The following MTUS2 variants were observed in gnomAD, a reference collection of about 807,000 sequenced individuals.
MTUS2 encodes microtubule-associated tumor suppressor candidate 2.
In MTUS2, 40 loss-of-function variants were observed where a neutral mutation model predicts 114.1. That is an observed-to-expected ratio of 0.35 (90% CI 0.27 to 0.46). The LOEUF is 0.46. MTUS2 is among the 20% of genes least tolerant of loss of function. The pLI, the probability that MTUS2 is intolerant of heterozygous loss-of-function variation, is 1.00. For missense variants in MTUS2, 1,679 were observed against 1,705.4 expected (o/e 0.98, Z 0.27); for synonymous variants, 688 against 672.0 (o/e 1.02, Z -0.37).
In MTUS2 at chr13:29,011,345, T is replaced by C. The variant is rs183245870; in HGVS notation, c.-242-13112T>C. Among the ~76,000 whole-genome samples, 264 of 152,362 alleles carry C rather than the reference T, an allele frequency of 1.7e-3. 2 individuals carry two copies. Among genetic ancestry groups the C allele is most frequent in the African/African-American group, 5.7e-3 (237 of 41,584 alleles). The stretch of plus-strand genomic sequence containing the variant: ...AGCCTAAACGCCATCCTGAAAATGC[T>C]AGCAAGACAGTTTTCCCCCCTTGCA... On this transcript the variant is annotated intron_variant, in intron 2 of 15. Transcript: ENST00000612955.
intron 2 of MTUS2, among the ~76,000 whole-genome samples, chr13:28,908,140 T>G (rs1489540276): frequency 6.6e-6 from 1 of 151,656 alleles, no homozygotes. Flanking sequence ...AACTATTTCT[T>G]TCTTTGTTTT....
rs369289077 is a variant in MTUS2, at chr13:28,840,030, ATTTT to A, written c.-243+190_-243+193del. ...TGAAAATAAATTATATGAAAGCTTA[ATTTT>A]TTTTTTTTTAAAGCTGTGAGGAATC... On this transcript the variant is annotated intron_variant, in intron 2 of 15. Transcript: ENST00000612955. 7.5e-5 allele frequency among the ~76,000 whole-genome samples: 11 copies of A among 147,042 alleles called. No individual in the cohort carries two copies. The East Asian group carries it at 2.0e-3, about 27-fold the overall frequency.
intron 2 of MTUS2, among the ~76,000 whole-genome samples, chr13:28,995,008 T>A (rs556715111): frequency 1.3e-5 from 2 of 152,304 alleles, no homozygotes; most frequent in South Asian, 4.2e-4. Context: ...TTGCCTAGGT[T>A]TTCTTCTAGG....
intron 8 of MTUS2, chr13:29,428,618 G>A: frequency 1.5e-4 from 3 of 19,502 alleles, no homozygotes; most frequent in Non-Finnish European, 3.2e-4. Context: ...CCTCCCTCCC[G>A]CAGCAGCAAG....
At chr13:28,996,293 C>T (rs566542085) in intron 2 of MTUS2, among the ~76,000 whole-genome samples, 3 of 152,186 alleles carry the variant, frequency 2.0e-5, no homozygotes, top group South Asian at 2.1e-4. Context: ...AGCTGGATTC[C>T]GTTTGCCAGT....
At chr13:28,984,431 A>C (rs1013068275) in intron 2 of MTUS2, among the ~76,000 whole-genome samples, 4 of 152,176 alleles carry the variant, frequency 2.6e-5, no homozygotes, top group Admixed American at 6.5e-5. Flanking sequence ...TGATGAGACC[A>C]GATGTGTTTG....
chr13:29,423,713 G>T (rs1353450240), intron 8 of MTUS2, among the ~76,000 whole-genome samples: 2 of 152,174 alleles, frequency 1.3e-5, no homozygotes, highest in African/African-American at 4.8e-5. Context: ...CAGGAAATTG[G>T]CATGTAAAAG....
intron 5 of MTUS2, among the ~76,000 whole-genome samples, chr13:29,112,813 A>G (rs1890932960): frequency 2.6e-5 from 4 of 152,186 alleles, no homozygotes; most frequent in Admixed American, 2.0e-4. Flanking sequence ...TGGACAGAGA[A>G]GAAAAGACTT....
chr13:29,498,672 AG>A (rs1474185149), intron 14 of MTUS2, 135 bp downstream of exon 14: 2 of 1,234,406 alleles, frequency 1.6e-6, no homozygotes, highest in African/African-American at 3.0e-5. Context: ...AAAATCCCAC[AG>A]CTGGCCTTTC....
At chr13:29,488,209 C>T in intron 11 of MTUS2, 1 of 573,334 alleles carries the variant, frequency 1.7e-6, no homozygotes, top group Non-Finnish European at 3.1e-6. Context: ...TCCTCCAATG[C>T]AGTTATCCTC....
chr13:29,047,506 T>C (rs1012275127), intron 4 of MTUS2, among the ~76,000 whole-genome samples: 1 of 145,848 alleles, frequency 6.9e-6, no homozygotes, highest in East Asian at 2.1e-4. Context: ...TACCATAAAA[T>C]TTACTCTTTT....
At chr13:29,376,067 ATT>A (rs905295189) in intron 8 of MTUS2, among the ~76,000 whole-genome samples, 1 of 151,528 alleles carries the variant, frequency 6.6e-6, no homozygotes, top group African/African-American at 2.4e-5. Context: ...GTGTATATAT[ATT>A]TATTTATTTA....
rs146161133 is a variant in MTUS2 at position 29,335,327 on chromosome 13, G to A, written c.2905+10616G>A. On this transcript the variant is annotated intron_variant, in intron 7 of 15. Transcript: ENST00000612955. ...GGAAATTCCTGCCTAATAAATTTTG[G>A]TCAGACCGGTTGTCTGCTCTCAAAC... is the stretch of plus-strand genomic sequence containing the variant. Among the ~76,000 whole-genome samples the A allele has an allele frequency of 9.8e-3, 1,499 of 152,202 alleles. 15 individuals are homozygous for A. Among genetic ancestry groups the A allele is most frequent in the African/African-American group, 0.034 (1,395 of 41,512 alleles).
At position 29,503,383 on chromosome 13, in the gene MTUS2, G is replaced by T. The variant is rs76567555; in HGVS notation, c.*177G>T. On this transcript the variant is annotated 3_prime_UTR_variant, in exon 16 of 16. Coordinates refer to ENST00000612955, the MANE Select transcript of MTUS2 (RefSeq NM_001033602.4). ...AGACTGCCCTGGTGTCGGCACTTAG[G>T]AATGTGTAAATGGTAAAGTCTGATG... The T allele has an allele frequency of 4.6e-6, 3 of 656,656 alleles. No homozygotes were observed. The highest frequency in any genetic ancestry group is 7.8e-6 in the Non-Finnish European group (3 of 386,006). The allele number at this position is 656,656 out of a possible 1,614,324, so 40.7% of individuals were successfully genotyped here.
At chr13:29,361,679 A>G (rs1227532761) in intron 8 of MTUS2, among the ~76,000 whole-genome samples, 1 of 152,174 alleles carries the variant, frequency 6.6e-6, no homozygotes, top group East Asian at 1.9e-4. Flanking sequence ...CCAGGTCAGG[A>G]GAACCCAAGG....
chr13:29,425,979 A>C (rs1037368389), intron 8 of MTUS2, among the ~76,000 whole-genome samples: 36 of 152,218 alleles, frequency 2.4e-4, no homozygotes, highest in Admixed American at 2.0e-3. Flanking sequence ...CTAATTTAGA[A>C]TAAAACTGTT....
At chr13:29,306,109 G>A (rs879478878) in intron 6 of MTUS2, among the ~76,000 whole-genome samples, 8 of 152,182 alleles carry the variant, frequency 5.3e-5, no homozygotes, top group South Asian at 2.1e-4. Context: ...AAAAACTCTC[G>A]ATAAACTAGG....
At chr13:29,184,128 A>G (rs909455352) in intron 5 of MTUS2, among the ~76,000 whole-genome samples, 1 of 152,346 alleles carries the variant, frequency 6.6e-6, no homozygotes, top group African/African-American at 2.4e-5. Flanking sequence ...ATCATTATCT[A>G]CAATTCAATA....
chr13:29,241,600 C>T (rs1252401123), intron 5 of MTUS2, among the ~76,000 whole-genome samples: 1 of 152,120 alleles, frequency 6.6e-6, no homozygotes, highest in East Asian at 1.9e-4. Context: ...GTACAGATTT[C>T]TCAAAAATCA....
Sources: allele counts gnomAD v4.1 joint callset (sites outside exome capture counted in the v4.1 genomes callset), GRCh38; gene constraint gnomAD v4.1.1; transcripts MANE v1.5; gene names NCBI Gene and HGNC (gene_info 2026-07-23, HGNC 2026-07-21).